GALNT18: variants seen among roughly 807,000 people sequenced by gnomAD.
The protein encoded by GALNT18 is GalNAc-transferase 18.
GALNT18 carries 44 observed loss-of-function variants against 69.5 expected under a neutral mutation model. The ratio of observed to expected loss-of-function variants is 0.63; its 90% CI spans 0.50 to 0.81. The LOEUF (loss-of-function observed/expected upper bound fraction) is 0.81. Ranked by LOEUF, GALNT18 falls within the 40% of genes least tolerant of loss-of-function variation. The pLI, the probability that GALNT18 is intolerant of heterozygous loss-of-function variation, is 0.00. For missense variants in GALNT18, 715 were observed against 810.0 expected (o/e 0.88, Z 1.42); for synonymous variants, 364 against 318.2 (o/e 1.14, Z -1.53).
rs117032024 is a variant in GALNT18 at position 11,383,364 on chromosome 11, G to A, written c.596-4100C>T. Among the ~76,000 whole-genome samples the A allele has an allele frequency of 6.4e-4, 98 of 152,326 alleles. 2 individuals carry two copies. In the East Asian group the frequency reaches 0.018, roughly 28 times the overall value. On this transcript the variant is annotated intron_variant, in intron 3 of 10. Coordinates refer to ENST00000227756, the MANE Select transcript of GALNT18 (RefSeq NM_198516.3). The surrounding 1 kb of genome is among the most constrained non-coding windows in gnomAD (Gnocchi z 5.2). ...CTGAGCCGGAAGGGTCTGGCATGGA[G>A]GCTGTTAATCTGATTTAAGTACTTA...
chr11:11,473,141 C>T (rs528505632), intron 1 of GALNT18, among the ~76,000 whole-genome samples: 1 of 152,304 alleles, frequency 6.6e-6, no homozygotes, highest in Admixed American at 6.5e-5. Flanking sequence ...TCAACCCATC[C>T]CTGGTACATA....
intron 1 of GALNT18, among the ~76,000 whole-genome samples, chr11:11,608,273 G>T (rs559552434): frequency 6.6e-6 from 1 of 152,312 alleles, no homozygotes; most frequent in Admixed American, 6.5e-5. Flanking sequence ...AGGAAAGAGG[G>T]AATGAAGGAA....
chr11:11,425,705 GTTCA>G (rs1855113357), intron 3 of GALNT18, among the ~76,000 whole-genome samples: 4 of 152,130 alleles, frequency 2.6e-5, no homozygotes, highest in Non-Finnish European at 5.9e-5. Flanking sequence ...ACCTGAAAGA[GTTCA>G]CGTTCACTGG....
intron 1 of GALNT18, among the ~76,000 whole-genome samples, chr11:11,547,758 A>G (rs1858094720): frequency 6.6e-6 from 1 of 152,200 alleles, no homozygotes; most frequent in Admixed American, 6.5e-5. Context: ...ATATTAACAT[A>G]GATCTGATCC....
At chr11:11,545,315 G>T (rs781491586) in intron 1 of GALNT18, among the ~76,000 whole-genome samples, 1 of 152,224 alleles carries the variant, frequency 6.6e-6, no homozygotes, top group Non-Finnish European at 1.5e-5. Context: ...ACCAGTCTTA[G>T]CCTAAACAGA....
At chr11:11,456,580 C>T (rs1351963208) in intron 1 of GALNT18, among the ~76,000 whole-genome samples, 1 of 152,208 alleles carries the variant, frequency 6.6e-6, no homozygotes, top group Admixed American at 6.5e-5. Context: ...GCCAAGAACC[C>T]CAAGATCCTG....
At chr11:11,560,151 T>G (rs1415627091) in intron 1 of GALNT18, among the ~76,000 whole-genome samples, 12 of 144,146 alleles carry the variant, frequency 8.3e-5, no homozygotes, top group Non-Finnish European at 1.2e-4. Flanking sequence ...GAATGGGATA[T>G]GATGGGATGT....
chr11:11,435,476 T>G lies in GALNT18; in HGVS notation c.429-2689A>C, dbSNP rs1476309980. ...AAGAAAGACTTTTGAACATAAAGTT[T>G]TCATAAGAAAACTCATTTGAACATA... On this transcript the variant is annotated intron_variant, in intron 2 of 10. Transcript: ENST00000227756. The surrounding 1 kb of genome is among the most constrained non-coding windows in gnomAD (Gnocchi z 4.4). 1.3e-5 allele frequency among the ~76,000 whole-genome samples: 2 copies of G among 152,200 alleles called. No homozygotes were observed.
chr11:11,295,267 C>T lies in GALNT18; in HGVS notation c.1513-2074G>A, dbSNP rs749412538. On this transcript the variant is annotated intron_variant, in intron 9 of 10. Coordinates refer to ENST00000227756, the MANE Select transcript of GALNT18 (RefSeq NM_198516.3). The stretch of plus-strand genomic sequence containing the variant: ...AGTCAATGCTTCAACAGGAAAGAGA[C>T]GGCCCACTTTAGTAGGGGGAGACCC... Among the ~76,000 whole-genome samples the T allele has an allele frequency of 4.6e-5, 7 of 152,054 alleles. No homozygotes were observed. In the South Asian group the frequency reaches 6.2e-4, roughly 14 times the overall value.
chr11:11,495,036 C>CAA (rs79634554), intron 1 of GALNT18, among the ~76,000 whole-genome samples: 4 of 129,982 alleles, frequency 3.1e-5, no homozygotes, highest in African/African-American at 5.7e-5. Flanking sequence ...AGGAGTGTCT[C>CAA]AAAAAAAAAA....
chr11:11,344,243 T>C (rs1428227282), intron 6 of GALNT18, among the ~76,000 whole-genome samples: 11 of 69,308 alleles, frequency 1.6e-4, no homozygotes, highest in Admixed American at 7.3e-4. Flanking sequence ...TTTTTTTTAC[T>C]TCCTCTCACA....
rs1857930430 is a variant in GALNT18, at chr11:11,541,758, CAGAG to C, written c.235+79597_235+79600del. On this transcript the variant is annotated intron_variant, in intron 1 of 10. Transcript: ENST00000227756. The surrounding 1 kb of genome is among the most constrained non-coding windows in gnomAD (Gnocchi z 4.8). ...GATTCCTCCCTTCAGCCAAGCCTCC[CAGAG>C]AAAGATGCTCAGACTACCCTCTCCT... 8.6e-6 allele frequency among the ~76,000 whole-genome samples: 1 copy of C among 116,006 alleles called. No homozygotes were observed. The highest frequency in any genetic ancestry group is 9.2e-5 in the Admixed American group (1 of 10,846). The allele number at this position is 116,006 out of a possible 152,430, so 76.1% of individuals were successfully genotyped here.
rs191039211 is a variant in GALNT18 at position 11,345,967 on chromosome 11, G to C, written c.1093-4963C>G. Among the ~76,000 whole-genome samples the C allele has an allele frequency of 1.3e-3, 195 of 152,268 alleles. 1 individual carries two copies. The East Asian group carries it at 0.015, about 12-fold the overall frequency. On this transcript the variant is annotated intron_variant, in intron 6 of 10. Transcript: ENST00000227756. ...AAGGCTGGGTCCTGAGGCTTCTGAC[G>C]GGCACTGAGCAACACGTTCCTTGAC...
intron 1 of GALNT18, among the ~76,000 whole-genome samples, chr11:11,594,572 G>A (rs1009882038): frequency 6.6e-6 from 1 of 151,976 alleles, no homozygotes. Context: ...ACAACATTTT[G>A]TGTCTGACTT....
intron 6 of GALNT18, among the ~76,000 whole-genome samples, chr11:11,355,702 T>C (rs988142606): frequency 6.6e-6 from 1 of 152,216 alleles, no homozygotes; most frequent in Non-Finnish European, 1.5e-5. Context: ...GATTTCTCTA[T>C]ATTACTACAA....
chr11:11,532,980 T>C (rs992143110), intron 1 of GALNT18, among the ~76,000 whole-genome samples: 1 of 152,198 alleles, frequency 6.6e-6, no homozygotes, highest in African/African-American at 2.4e-5. Flanking sequence ...TCATAATTCT[T>C]TGGAAGGTCA....
intron 3 of GALNT18, among the ~76,000 whole-genome samples, chr11:11,386,806 G>A (rs189251739): frequency 6.6e-6 from 1 of 152,240 alleles, no homozygotes; most frequent in Non-Finnish European, 1.5e-5. Flanking sequence ...GTCCAACTAG[G>A]CTGTCCCCAG....
intron 1 of GALNT18, among the ~76,000 whole-genome samples, chr11:11,495,709 A>T (rs1856855547): frequency 6.6e-6 from 1 of 152,196 alleles, no homozygotes; most frequent in Non-Finnish European, 1.5e-5. Flanking sequence ...AAACTTGAAG[A>T]CCCACCAGGA....
At chr11:11,419,619 A>AAAAAAAAAAAAAG (rs1554932034) in intron 3 of GALNT18, among the ~76,000 whole-genome samples, 4 of 128,356 alleles carry the variant, frequency 3.1e-5, no homozygotes, top group African/African-American at 5.6e-5. Context: ...AAAAAAAAAA[A>AAAAAAAAAAAAAG]AAAGAAAGAA....
Sources: gnomAD v4.1 joint callset for allele counts (sites outside exome capture counted in the v4.1 genomes callset) on GRCh38, gnomAD v4.1.1 for gene constraint, Gnocchi (gnomAD v3.1) non-coding constraint, MANE v1.5 for transcripts, NCBI Gene and HGNC (gene_info 2026-07-23, HGNC 2026-07-21) for gene names.